Variants in CAND1 observed in about 807,000 individuals in gnomAD.
CAND1 encodes the protein cullin-associated NEDD8-dissociated protein 1.
CAND1 carries 7 observed loss-of-function variants against 108.5 expected under a neutral mutation model. The ratio of observed to expected loss-of-function variants is 0.06; its 90% CI spans 0.04 to 0.12. The LOEUF is 0.12. CAND1 is among the 10% of genes least tolerant of loss of function. The pLI, the probability that CAND1 is intolerant of heterozygous loss-of-function variation, is 1.00. For missense variants in CAND1, 941 were observed against 1,448.7 expected, an observed-to-expected ratio of 0.65 and a Z score of 5.69; for synonymous variants, 534 against 512.0, an observed-to-expected ratio of 1.04 and a Z score of -0.58.
At position 67,273,674 on chromosome 12, in the gene CAND1, A is replaced by G. The variant is rs191446562; in HGVS notation, c.68+3889A>G. Among the ~76,000 whole-genome samples, 410 of 151,670 alleles carry G rather than the reference A, an allele frequency of 2.7e-3. 1 individual carries two copies. Among genetic ancestry groups the G allele is most frequent in the African/African-American group, 9.7e-3 (399 of 41,324 alleles). Reference sequence around the variant, plus strand: ...AATTTTTTTTATAGAGATGGGTATCACCATGTTTCCCAGGCTGGTCTCAAA... The same window carrying G: ...AATTTTTTTTATAGAGATGGGTATCGCCATGTTTCCCAGGCTGGTCTCAAA... On this transcript the variant is annotated intron_variant, in intron 1 of 14. Transcript: ENST00000545606.
chr12:67,283,159 A>T (rs2044635922), intron 2 of CAND1, among the ~76,000 whole-genome samples: 1 of 152,216 alleles, frequency 6.6e-6, no homozygotes. Context: ...TTTAGCCTAA[A>T]CTTTTACATA....
chr12:67,309,361 G>A (rs1012169334), intron 11 of CAND1, among the ~76,000 whole-genome samples: 3 of 151,834 alleles, frequency 2.0e-5, no homozygotes. Flanking sequence ...GTGAATTCGT[G>A]TATTTCTTAC....
intron 14 of CAND1, among the ~76,000 whole-genome samples, chr12:67,312,190 A>G (rs1303900782): frequency 6.6e-6 from 1 of 151,872 alleles, no homozygotes; most frequent in Non-Finnish European, 1.5e-5. Flanking sequence ...TAGACCAAGA[A>G]GATGAAACGG....
chr12:67,289,054 A>C (rs980768638), intron 2 of CAND1, among the ~76,000 whole-genome samples: 1 of 152,114 alleles, frequency 6.6e-6, no homozygotes, highest in Non-Finnish European at 1.5e-5. Context: ...GTGTATGTGC[A>C]TATGTATCTT....
At chr12:67,286,137 A>C (rs2044668782) in intron 2 of CAND1, among the ~76,000 whole-genome samples, 1 of 152,042 alleles carries the variant, frequency 6.6e-6, no homozygotes, top group African/African-American at 2.4e-5. Context: ...CCTCCTGACT[A>C]GCTGGGACTA....
chr12:67,303,480 A>G (rs187013233), intron 8 of CAND1, among the ~76,000 whole-genome samples: 7 of 152,362 alleles, frequency 4.6e-5, no homozygotes, highest in African/African-American at 1.7e-4. Flanking sequence ...GTGAGTATAT[A>G]GAAGTCAGGT....
At chr12:67,297,041 G>T (rs1238229509) in intron 4 of CAND1, among the ~76,000 whole-genome samples, 2 of 151,562 alleles carry the variant, frequency 1.3e-5, no homozygotes, top group East Asian at 2.0e-4. Context: ...CAAGTGATCT[G>T]CCTGCCTCAG....
At position 67,306,156 on chromosome 12, in the gene CAND1, T is replaced by G. The variant is rs1452868297; in HGVS notation, c.2488T>G (p.Ser830Ala). The G allele has an allele frequency of 5.6e-6, 9 of 1,614,010 alleles. No individual in the cohort carries two copies. The highest frequency in any genetic ancestry group is 1.7e-5 in the Admixed American group (1 of 59,990). The change falls in exon 10 of 15, where the codon TCT becomes GCT. Residue 830 changes from serine (S) to alanine (A), a missense_variant. Around this residue, in one of 9 missense-constraint regions of CAND1, gnomAD observed 697 missense variants for 942.0 expected, o/e 0.74. Transcript: ENST00000545606. ...TATTCAAGATGTCAAGAACTCAAGG[T>G]CTACAGATTCCATTCGTCTCTTAGC... ...QFIQDVKNSR[S>A]TDSIRLLALL...
intron 7 of CAND1, among the ~76,000 whole-genome samples, chr12:67,301,179 AG>A (rs2044821763): frequency 6.6e-6 from 1 of 152,182 alleles, no homozygotes; most frequent in South Asian, 2.1e-4. Flanking sequence ...TTGGTAAATA[AG>A]CAAACGTCTT....
At chr12:67,302,728 A>G (rs1431504862) in intron 8 of CAND1, 113 bp downstream of exon 8, 4 of 884,142 alleles carry the variant, frequency 4.5e-6, no homozygotes, top group Admixed American at 2.6e-5. Flanking sequence ...AGAAAGTTCT[A>G]GGATATGTTT....
intron 2 of CAND1, among the ~76,000 whole-genome samples, chr12:67,283,299 G>A (rs1284764565): frequency 6.6e-6 from 1 of 152,142 alleles, no homozygotes; most frequent in Non-Finnish European, 1.5e-5. Flanking sequence ...AAAAAATGGT[G>A]TTGTATGGGA....
chr12:67,301,422 G>A (rs1296279222), intron 7 of CAND1, among the ~76,000 whole-genome samples: 20 of 152,102 alleles, frequency 1.3e-4, no homozygotes, highest in Admixed American at 1.3e-3. Flanking sequence ...AGAAATTATT[G>A]TGAGATAATT....
chr12:67,297,263 T>G, intron 4 of CAND1, 144 bp from the exon 5 acceptor site: 1 of 794,070 alleles, frequency 1.3e-6, no homozygotes, highest in Non-Finnish European at 2.2e-6. Context: ...AAAGTGATAA[T>G]TTAATTTTTC....
chr12:67,298,817 CA>C (rs2044794667), intron 6 of CAND1, 132 bp from the exon 7 acceptor site: 2 of 607,250 alleles, frequency 3.3e-6, no homozygotes, highest in South Asian at 3.5e-5. Flanking sequence ...AGAGAAAGAG[CA>C]AGAATCATTG....
Position 67,318,189 on chromosome 12 carries a change from A to T in CAND1, c.*5359A>T, listed in dbSNP as rs1290169872. ...CTGTGTGGGAGGCTGAGGCAGGGGA[A>T]TTGCTTGAACCTGGGAGGTGGAGGT... is the stretch of plus-strand genomic sequence containing the variant. On this transcript the variant is annotated 3_prime_UTR_variant, in exon 15 of 15. Coordinates refer to ENST00000545606, the MANE Select transcript of CAND1 (RefSeq NM_018448.5). The T allele has an allele frequency of 6.6e-6, 1 of 152,300 alleles. No homozygotes were observed. 9.4% of individuals were successfully genotyped at this position (152,300 alleles called of 1,614,324 possible).
intron 11 of CAND1, 85 bp downstream of exon 11, chr12:67,307,577 A>G: frequency 1.2e-6 from 1 of 805,918 alleles, no homozygotes; most frequent in South Asian, 1.6e-5. Flanking sequence ...AGAAATATCG[A>G]GGAATTAAAA....
At position 67,295,328 on chromosome 12, in the gene CAND1, C is replaced by G. The variant is rs1163906751; in HGVS notation, c.491+172C>G. 3.3e-5 allele frequency among the ~76,000 whole-genome samples: 5 copies of G among 152,270 alleles called. 1 individual carries two copies. The highest frequency in any genetic ancestry group is 6.8e-3 in the Middle Eastern group (2 of 294). On this transcript the variant is annotated intron_variant, in intron 4 of 14. Transcript: ENST00000545606. ...GTGAGGGGGAAATAAGCTAATTACACTAACATATAAGTATATAATATTGTA... is the reference window on the plus strand; with the variant it reads ...GTGAGGGGGAAATAAGCTAATTACAGTAACATATAAGTATATAATATTGTA...
intron 8 of CAND1, among the ~76,000 whole-genome samples, chr12:67,303,176 A>G (rs1031466336): frequency 5.9e-5 from 9 of 152,166 alleles, no homozygotes; most frequent in African/African-American, 2.2e-4. Context: ...GAGCTATTAT[A>G]TGCTCCCATT....
At chr12:67,307,374 A>T (rs371931866) in intron 10 of CAND1, 23 bp from the exon 11 acceptor site, 1 of 1,563,040 alleles carries the variant, frequency 6.4e-7, no homozygotes, top group Admixed American at 1.7e-5. Flanking sequence ...ATACCAATAG[A>T]CTTGCAATTT....
Sources: allele counts gnomAD v4.1 joint callset (sites outside exome capture counted in the v4.1 genomes callset), GRCh38; gene constraint gnomAD v4.1.1; regional missense constraint gnomAD v4.1.1; transcripts MANE v1.5; gene names NCBI Gene and HGNC (gene_info 2026-07-23, HGNC 2026-07-21).